The following LRRC37A variants were observed in gnomAD, a reference collection of about 807,000 sequenced individuals.
LRRC37A encodes leucine rich repeat containing 37A.
LRRC37A carries 3 observed loss-of-function variants against 35.4 expected under a neutral mutation model. The observed-to-expected ratio is 0.08, with a 90% CI of 0.04 to 0.22. The LOEUF (loss-of-function observed/expected upper bound fraction) is 0.22, where lower values mean the gene tolerates loss of function less well. Among genes scored for constraint, LRRC37A ranks in the 10% least tolerant of loss-of-function variants. The probability of loss-of-function intolerance (pLI) is 1.00; values close to 1 mark genes in which losing one functional copy is unlikely to be tolerated. For synonymous variants in LRRC37A, 23 were observed against 215.0 expected, an observed-to-expected ratio of 0.11 and a Z score of 7.81; for missense variants, 67 against 565.3, an observed-to-expected ratio of 0.12 and a Z score of 8.94.
the LRRC37A span, among the ~76,000 whole-genome samples, chr17:46,286,549 T>G: frequency 2.0e-5 from 3 of 152,224 alleles, no homozygotes; most frequent in Non-Finnish European, 4.4e-5. Context: ...ATGTTACATA[T>G]TGAAGAATCA....
the LRRC37A span, among the ~76,000 whole-genome samples, chr17:46,273,041 A>G: frequency 6.6e-6 from 1 of 152,250 alleles, no homozygotes; most frequent in African/African-American, 2.4e-5. Context: ...ATTGCTGTTT[A>G]GAATTTGCCA....
chr17:46,282,582 T>A, the LRRC37A span, among the ~76,000 whole-genome samples: 1 of 103,004 alleles, frequency 9.7e-6, no homozygotes, highest in Non-Finnish European at 2.6e-5. Context: ...GCCTGGTTAA[T>A]TTTTTTTTTT....
rs1396375522 is a variant in LRRC37A, at chr17:46,314,543, G to C, written c.2907-7779G>C. On this transcript the variant is annotated intron_variant, in intron 5 of 13. Transcript: ENST00000320254. ...TTTATCCGTTTATCAGGCTGCTCTC[G>C]AACTCCTAACCTCAGATGATCCACC... Among the ~76,000 whole-genome samples the C allele has an allele frequency of 6.3e-5, 5 of 78,834 alleles. 2 individuals carry two copies. The highest frequency in any genetic ancestry group is 2.5e-4 in the East Asian group (1 of 4,046). 51.7% of individuals were successfully genotyped at this position (78,834 alleles called of 152,430 possible).
At chr17:46,254,455 T>A in the LRRC37A span, among the ~76,000 whole-genome samples, 1 of 152,198 alleles carries the variant, frequency 6.6e-6, no homozygotes, top group African/African-American at 2.4e-5. Flanking sequence ...AATCTCACTC[T>A]TGTTTCCCAG....
At chr17:46,268,721 A>C in the LRRC37A span, 1 of 1,411,000 alleles carries the variant, frequency 7.1e-7, no homozygotes, top group Non-Finnish European at 9.4e-7. Context: ...TTTCTGGATC[A>C]CAAGAGACAT....
the LRRC37A span, chr17:46,260,478 C>T: frequency 6.3e-7 from 1 of 1,591,048 alleles, no homozygotes; most frequent in African/African-American, 1.3e-5. Context: ...CCCACCCAGC[C>T]TGGGGGTGGC....
At chr17:46,276,765 T>TG in the LRRC37A span, among the ~76,000 whole-genome samples, 2 of 152,114 alleles carry the variant, frequency 1.3e-5, no homozygotes, top group African/African-American at 4.8e-5. Context: ...TACAATTCTT[T>TG]GCATTGTAAT....
the LRRC37A span, among the ~76,000 whole-genome samples, chr17:46,252,763 A>C: frequency 3.6e-4 from 55 of 152,156 alleles, no homozygotes; most frequent in African/African-American, 1.1e-3. Flanking sequence ...AAAGTCTCCC[A>C]TGTCTACCCG....
the LRRC37A span, among the ~76,000 whole-genome samples, chr17:46,251,258 C>CTTT: frequency 5.7e-5 from 8 of 140,618 alleles, no homozygotes; most frequent in Admixed American, 1.4e-4. Flanking sequence ...TGCTTAACAT[C>CTTT]TTTTTTTTTT....
upstream of LRRC37A, among the ~76,000 whole-genome samples, chr17:46,289,533 T>G (rs1253605508): frequency 7.9e-5 from 12 of 152,250 alleles, no homozygotes; most frequent in South Asian, 2.1e-4. Context: ...AGAGATAGGG[T>G]TTCACCATGT....
the LRRC37A span, among the ~76,000 whole-genome samples, chr17:46,263,424 G>A: frequency 6.6e-6 from 1 of 151,804 alleles, no homozygotes; most frequent in Non-Finnish European, 1.5e-5. Context: ...GGTGGTGTGT[G>A]CCTATAATCC....
chr17:46,324,083 G>A (rs1177398478), intron 7 of LRRC37A, among the ~76,000 whole-genome samples: 5 of 119,114 alleles, frequency 4.2e-5, no homozygotes, highest in Admixed American at 3.4e-4. Flanking sequence ...GTAGTATTCC[G>A]GTTGTGTGGA....
the LRRC37A span, among the ~76,000 whole-genome samples, chr17:46,269,910 G>C: frequency 6.6e-6 from 1 of 152,184 alleles, no homozygotes; most frequent in Non-Finnish European, 1.5e-5. Context: ...CCAAACCTTG[G>C]AACCAATATT....
chr17:46,292,175 T>C (rs186639311), upstream of LRRC37A, among the ~76,000 whole-genome samples: 11 of 79,302 alleles, frequency 1.4e-4, no homozygotes, highest in African/African-American at 3.5e-4. Flanking sequence ...CTACTAAAAA[T>C]ACAAAAATTG....
At chr17:46,262,002 T>C in the LRRC37A span, among the ~76,000 whole-genome samples, 1 of 152,168 alleles carries the variant, frequency 6.6e-6, no homozygotes, top group Admixed American at 6.6e-5. Context: ...CAGGCTGGAG[T>C]GCAGTGATGC....
intron 7 of LRRC37A, among the ~76,000 whole-genome samples, chr17:46,327,278 C>G (rs1257530651): frequency 3.4e-5 from 2 of 59,470 alleles, no homozygotes; most frequent in Admixed American, 3.7e-4. Context: ...TTCCAGGTCT[C>G]TCCATTGTAA....
At chr17:46,251,879 G>A in the LRRC37A span, among the ~76,000 whole-genome samples, 1 of 151,974 alleles carries the variant, frequency 6.6e-6, no homozygotes, top group East Asian at 1.9e-4. Flanking sequence ...CCTGATTCTG[G>A]AATCCTAGCA....
the LRRC37A span, among the ~76,000 whole-genome samples, chr17:46,248,109 A>G: frequency 0.074 from 9,746 of 132,508 alleles, 1 homozygote; most frequent in Middle Eastern, 0.13. Flanking sequence ...CGCAAGTCCC[A>G]CTTACAACAC....
At chr17:46,272,421 TTA>T in the LRRC37A span, among the ~76,000 whole-genome samples, 18,183 of 151,764 alleles carry the variant, frequency 0.12, no homozygotes, top group Non-Finnish European at 0.18. Flanking sequence ...TCTTTCTTTT[TTA>T]TTTTTTTTGA....
Sources: gnomAD v4.1 joint callset for allele counts (sites outside exome capture counted in the v4.1 genomes callset) on GRCh38, gnomAD v4.1.1 for gene constraint, MANE v1.5 for transcripts, NCBI Gene and HGNC (gene_info 2026-07-23, HGNC 2026-07-21) for gene names.